The following USP35 variants were observed in gnomAD, a reference collection of about 807,000 sequenced individuals.
USP35 encodes ubiquitin specific peptidase 35.
A neutral mutation model predicts 83.8 loss-of-function variants in USP35; 69 were observed. That is an observed-to-expected ratio of 0.82 (90% CI 0.68 to 1.01). USP35 has a LOEUF of 1.01. Ranked by LOEUF, USP35 falls within the 50% of genes least tolerant of loss-of-function variation. USP35 has a pLI of 0.00. For synonymous variants in USP35, 714 were observed against 589.5 expected, an observed-to-expected ratio of 1.21 and a Z score of -3.06; for missense variants, 1,503 against 1,362.5, an observed-to-expected ratio of 1.10 and a Z score of -1.62.
chr11:78,233,754 G>A, the USP35 span, among the ~76,000 whole-genome samples: 2,046 of 152,198 alleles, frequency 0.013, 47 homozygotes, highest in African/African-American at 0.047. Flanking sequence ...CTATAGATGA[G>A]CACATCCACG....
chr11:78,224,847 T>G, the USP35 span, among the ~76,000 whole-genome samples: 4,450 of 152,122 alleles, frequency 0.029, 194 homozygotes, highest in African/African-American at 0.1. Flanking sequence ...TCTATTGCAT[T>G]CTAGATCCTC....
At chr11:78,226,963 A>T in the USP35 span, 1 of 1,613,642 alleles carries the variant, frequency 6.2e-7, no homozygotes, top group Non-Finnish European at 8.5e-7. Flanking sequence ...CCGTTGACAC[A>T]GTGTCCATTG....
rs1372322824 is a variant in USP35 at position 78,210,682 on chromosome 11, G to T, written c.2827G>T (p.Glu943Ter). The T allele has an allele frequency of 6.2e-6, 10 of 1,604,888 alleles. No homozygotes were observed. Among genetic ancestry groups the T allele is most frequent in the Admixed American group, 1.7e-5 (1 of 58,454 alleles). The stretch of plus-strand genomic sequence containing the variant: ...GTTGGGCTCTTCTAGAGTCCGGACA[G>T]AGCCCACCCTGCACAAGGACTTGAT... ...AELGSSRVRT[E>*]PTLHKDLMEA... is the part of the protein sequence containing the mutation. Residue 943 changes from glutamate (E) to a stop codon, truncating the protein, a stop_gained, in exon 10 of 11, where the codon GAG (glutamate) becomes TAG (stop). Transcript: ENST00000529308. LOFTEE classifies it high-confidence loss of function.
At chr11:78,224,722 G>T in the USP35 span, among the ~76,000 whole-genome samples, 1 of 152,206 alleles carries the variant, frequency 6.6e-6, no homozygotes, top group Middle Eastern at 3.4e-3. Context: ...CTGCCACTTA[G>T]CCTGACTGTG....
chr11:78,207,978 C>G lies in USP35; in HGVS notation c.1485+355C>G, dbSNP rs138999065. Among the ~76,000 whole-genome samples the G allele has an allele frequency of 4.3e-3, 657 of 152,238 alleles. 4 individuals are homozygous for G. Among genetic ancestry groups the G allele is most frequent in the Non-Finnish European group, 5.9e-3 (402 of 68,024 alleles). ...TTCTCAGTTTTGGAAGCTGGGAGGC[C>G]CAAGATCGAGGGGCTGTGTCTGGTG... On this transcript the variant is annotated intron_variant, in intron 8 of 10. Coordinates refer to ENST00000529308, the MANE Select transcript of USP35 (RefSeq NM_020798.4).
chr11:78,199,230 C>G (rs1027186778), intron 3 of USP35: 2 of 267,880 alleles, frequency 7.5e-6, no homozygotes, highest in Non-Finnish European at 1.5e-5. Flanking sequence ...GTGGCTTGCT[C>G]TGGGTCACAC....
chr11:78,215,465 C>T (rs1864074662), downstream of USP35: 3 of 152,578 alleles, frequency 2.0e-5, no homozygotes, highest in African/African-American at 7.2e-5. Flanking sequence ...AAAAAGAATA[C>T]AACAGAATAA....
downstream of USP35, among the ~76,000 whole-genome samples, chr11:78,219,953 G>T (rs545979501): frequency 1.3e-5 from 2 of 152,262 alleles, no homozygotes; most frequent in South Asian, 4.1e-4. Flanking sequence ...CGACGGCAGG[G>T]CTCTGGACCC....
At chr11:78,203,185 C>G (rs1863410745) in intron 6 of USP35, among the ~76,000 whole-genome samples, 1 of 152,030 alleles carries the variant, frequency 6.6e-6, no homozygotes, top group African/African-American at 2.4e-5. Flanking sequence ...CTCAAGGACC[C>G]CGCCTTCTCA....
intron 6 of USP35, among the ~76,000 whole-genome samples, chr11:78,202,257 C>A (rs769805277): frequency 1.1e-4 from 16 of 152,188 alleles, no homozygotes; most frequent in Non-Finnish European, 2.4e-4. Flanking sequence ...GACTAAAAGC[C>A]AGGACCCAAG....
chr11:78,229,392 C>T, the USP35 span, among the ~76,000 whole-genome samples: 9 of 152,268 alleles, frequency 5.9e-5, no homozygotes, highest in East Asian at 1.9e-4. Context: ...CTAAAGGGAA[C>T]GGGGAGCCTC....
chr11:78,213,470 T>G (rs1459578134), intron 10 of USP35, among the ~76,000 whole-genome samples, 176 bp from the exon 11 acceptor site: 1 of 134,060 alleles, frequency 7.5e-6, no homozygotes, highest in African/African-American at 4.1e-5. Context: ...GAGGGGGTCT[T>G]TTGAAGTCTT....
rs1864005699 is a variant in USP35, at chr11:78,214,525, C to CCAAAGGTG, written c.*712_*713insCAAAGGTG. On this transcript the variant is annotated 3_prime_UTR_variant, in exon 11 of 11. Transcript: ENST00000529308. Reference sequence around the variant, plus strand: ...TTTTACTGCAAAGGTGTTCATGTTCCTTGTGAAGTGTGGGCTCTTAGGAAG... The same window carrying CCAAAGGTG: ...TTTTACTGCAAAGGTGTTCATGTTCCCAAAGGTGTTGTGAAGTGTGGGCTCTTAGGAAG... The CCAAAGGTG allele has an allele frequency of 3.3e-5, 5 of 152,286 alleles. No individual in the cohort carries two copies. Among genetic ancestry groups the CCAAAGGTG allele is most frequent in the Admixed American group, 3.3e-4 (5 of 15,308 alleles). The allele number at this position is 152,286 out of a possible 1,614,324, so 9.4% of individuals were successfully genotyped here.
rs1486223095 is a variant in USP35 at position 78,208,975 on chromosome 11, A to G, written c.1592+12A>G. ...TACCTGCTGGATCGGTAAGGGGGCC[A>G]GGGCTACGCGAAGACTCCAGGTCTA... is the stretch of plus-strand genomic sequence containing the variant. On this transcript the variant is annotated intron_variant, in intron 9 of 10. Coordinates refer to ENST00000529308, the MANE Select transcript of USP35 (RefSeq NM_020798.4). 3 of 1,613,122 alleles carry G rather than the reference A, an allele frequency of 1.9e-6. No homozygotes were observed. The highest frequency in any genetic ancestry group is 2.7e-5 in the African/African-American group (2 of 74,936).
chr11:78,227,054 A>G, the USP35 span: 65 of 1,593,348 alleles, frequency 4.1e-5, 2 homozygotes, highest in South Asian at 7.1e-4. Context: ...TGGCACTCCT[A>G]AAAGAGAAAG....
intron 8 of USP35, among the ~76,000 whole-genome samples, chr11:78,208,232 G>GC (rs1269210639): frequency 6.6e-6 from 1 of 152,186 alleles, no homozygotes; most frequent in Admixed American, 6.5e-5. Flanking sequence ...TCTTAACACT[G>GC]CTGCACTGGG....
chr11:78,226,853 G>A, the USP35 span: 1 of 1,614,140 alleles, frequency 6.2e-7, no homozygotes, highest in Non-Finnish European at 8.5e-7. Context: ...GGCCATGGGA[G>A]GCCAGGCTGC....
chr11:78,197,918 C>A lies in USP35; in HGVS notation c.674-18C>A. ...GGGCCTGCCTCCCTGCTAAGCTCAG[C>A]CCTGTCCCCTGTTCCAGAGGAGGAG... On this transcript the variant is annotated intron_variant, in intron 2 of 10. Transcript: ENST00000529308. 2 of 1,613,064 alleles carry A rather than the reference C, an allele frequency of 1.2e-6. No homozygotes were observed. Among genetic ancestry groups the A allele is most frequent in the South Asian group, 2.2e-5 (2 of 90,912 alleles).
the USP35 span, chr11:78,225,165 A>G: frequency 6.2e-7 from 1 of 1,613,546 alleles, no homozygotes; most frequent in African/African-American, 1.3e-5. Context: ...CACTCTCTCC[A>G]CCACGCTGTG....
Sources: gnomAD v4.1 joint callset for allele counts (sites outside exome capture counted in the v4.1 genomes callset) on GRCh38, gnomAD v4.1.1 for gene constraint, MANE v1.5 for transcripts, NCBI Gene and HGNC (gene_info 2026-07-23, HGNC 2026-07-21) for gene names.